Variants in MDFIC2 observed in about 807,000 individuals in gnomAD.
The protein encoded by MDFIC2 is MyoD family inhibitor domain containing 2, also known as myoD family inhibitor domain-containing protein 2.
intron 2 of MDFIC2, among the ~76,000 whole-genome samples, chr3:70,310,448 C>T (rs1473036736): frequency 6.6e-6 from 1 of 150,648 alleles, no homozygotes; most frequent in Non-Finnish European, 1.5e-5. Flanking sequence ...TCACTGCAAC[C>T]TCTGCCTCCC....
intron 2 of MDFIC2, among the ~76,000 whole-genome samples, chr3:70,225,531 G>C (rs1012026078): frequency 6.6e-6 from 1 of 152,070 alleles, no homozygotes; most frequent in Non-Finnish European, 1.5e-5. Context: ...AGAAAGCAAC[G>C]GTGTGTCAAG....
chr3:70,218,431 C>T (rs1417939099), intron 2 of MDFIC2, among the ~76,000 whole-genome samples: 1 of 152,020 alleles, frequency 6.6e-6, no homozygotes, highest in Non-Finnish European at 1.5e-5. Context: ...ATCTGGAGAC[C>T]ACTGGTCTGA....
intron 2 of MDFIC2, among the ~76,000 whole-genome samples, chr3:70,306,599 T>G (rs1702403248): frequency 6.6e-6 from 1 of 152,146 alleles, no homozygotes; most frequent in South Asian, 2.1e-4. Flanking sequence ...TTATCATTTT[T>G]TTTCTCTCTC....
chr3:70,196,754 G>C lies in MDFIC2; in HGVS notation c.*172C>G, dbSNP rs1701185706. On this transcript the variant is annotated 3_prime_UTR_variant, in exon 4 of 4. Transcript: ENST00000567252. ...CATGCGGTTGTGAAATTTGGAATAA[G>C]ACCATTGAGTTGATAATACTAGCTT... is the stretch of plus-strand genomic sequence containing the variant. 7.6e-6 allele frequency: 3 copies of C among 393,706 alleles called. No individual in the cohort carries two copies. The highest frequency in any genetic ancestry group is 1.3e-5 in the Non-Finnish European group (3 of 223,550). The allele number at this position is 393,706 out of a possible 1,614,324, so 24.4% of individuals were successfully genotyped here.
chr3:70,218,917 C>T (rs1701438067), intron 2 of MDFIC2, among the ~76,000 whole-genome samples: 1 of 151,942 alleles, frequency 6.6e-6, no homozygotes, highest in African/African-American at 2.4e-5. Flanking sequence ...TTAAAATAAG[C>T]TACCACAAAG....
intron 2 of MDFIC2, chr3:70,249,007 C>G (rs1251588703): frequency 1.3e-5 from 2 of 152,098 alleles, no homozygotes; most frequent in African/African-American, 4.8e-5. Context: ...GAATTGGAAG[C>G]TCAGAGATAT....
intron 2 of MDFIC2, among the ~76,000 whole-genome samples, chr3:70,230,405 G>C (rs1382498861): frequency 6.6e-6 from 1 of 152,068 alleles, no homozygotes; most frequent in African/African-American, 2.4e-5. Flanking sequence ...TTGAGGGCTG[G>C]TGTCAAACGC....
At chr3:70,210,510 T>C (rs1217806501) in intron 2 of MDFIC2, among the ~76,000 whole-genome samples, 1 of 152,144 alleles carries the variant, frequency 6.6e-6, no homozygotes, top group Non-Finnish European at 1.5e-5. Flanking sequence ...ATGCTAACAA[T>C]AATTTCATCA....
At chr3:70,282,293 C>A (rs1324163978) in intron 2 of MDFIC2, among the ~76,000 whole-genome samples, 1 of 152,146 alleles carries the variant, frequency 6.6e-6, no homozygotes, top group Non-Finnish European at 1.5e-5. Context: ...AACAGACACA[C>A]CACTTAAGAA....
intron 3 of MDFIC2, chr3:70,204,849 A>G (rs1054174858): frequency 1.3e-5 from 2 of 152,116 alleles, no homozygotes; most frequent in East Asian, 1.9e-4. Context: ...GTGGATATGT[A>G]CAATGGCAAT....
At position 70,293,465 on chromosome 3, in the gene MDFIC2, T is replaced by A. The variant is rs376946246; in HGVS notation, c.88+18421A>T. 5.3e-5 allele frequency among the ~76,000 whole-genome samples: 8 copies of A among 152,238 alleles called. No individual in the cohort carries two copies. The East Asian group carries it at 1.5e-3, about 29-fold the overall frequency. On this transcript the variant is annotated intron_variant, in intron 2 of 3. Transcript: ENST00000567252. Reference sequence around the variant, plus strand: ...ATATGAAAATATCTTTGATTTCTATTAGTGACAAAATCACAGGCGATGCTG... The same window carrying A: ...ATATGAAAATATCTTTGATTTCTATAAGTGACAAAATCACAGGCGATGCTG...
chr3:70,304,842 C>G (rs528514896), intron 2 of MDFIC2, among the ~76,000 whole-genome samples: 1 of 152,302 alleles, frequency 6.6e-6, no homozygotes, highest in African/African-American at 2.4e-5. Flanking sequence ...AACTGACCAA[C>G]AAGGTTCTGC....
intron 2 of MDFIC2, among the ~76,000 whole-genome samples, chr3:70,239,768 G>A (rs998574903): frequency 1.4e-4 from 22 of 152,044 alleles, no homozygotes; most frequent in African/African-American, 5.3e-4. Context: ...ATCGCCCTAT[G>A]TTATGATTAT....
chr3:70,199,547 T>G (rs1214434202), intron 3 of MDFIC2, among the ~76,000 whole-genome samples: 1 of 152,118 alleles, frequency 6.6e-6, no homozygotes, highest in Non-Finnish European at 1.5e-5. Context: ...CATGGTAACA[T>G]TAATGAATTG....
In MDFIC2 at chr3:70,196,628, A is replaced by G. The variant is rs1179100660; in HGVS notation, c.*298T>C. Among the ~76,000 whole-genome samples the G allele has an allele frequency of 6.6e-6, 1 of 152,192 alleles. No homozygotes were observed. Among genetic ancestry groups the G allele is most frequent in the African/African-American group, 2.4e-5 (1 of 41,452 alleles). On this transcript the variant is annotated 3_prime_UTR_variant, in exon 4 of 4. Transcript: ENST00000567252. ...GAGTGCAATAACGCAGTGGCTTAAC[A>G]TGCTATTTTATAGTCAAGAAACATC...
intron 2 of MDFIC2, among the ~76,000 whole-genome samples, chr3:70,243,508 C>T (rs541455979): frequency 1.3e-5 from 2 of 152,218 alleles, no homozygotes; most frequent in East Asian, 1.9e-4. Context: ...CGTTTTTTGG[C>T]TTTAAGTGTA....
chr3:70,221,270 C>G (rs548452569), intron 2 of MDFIC2, among the ~76,000 whole-genome samples: 15 of 152,140 alleles, frequency 9.9e-5, no homozygotes, highest in Non-Finnish European at 1.9e-4. Flanking sequence ...TCACTTCACA[C>G]TATGAGAAGC....
chr3:70,228,553 T>A (rs936589803), intron 2 of MDFIC2, among the ~76,000 whole-genome samples: 2 of 151,980 alleles, frequency 1.3e-5, no homozygotes, highest in Non-Finnish European at 2.9e-5. Context: ...TGTTTTCTAA[T>A]GTCTAGATTA....
chr3:70,268,538 C>T (rs1701945725), intron 2 of MDFIC2, among the ~76,000 whole-genome samples: 1 of 150,234 alleles, frequency 6.7e-6, no homozygotes, highest in Non-Finnish European at 1.5e-5. Context: ...GATAAACCTA[C>T]ACTGACACAT....
Sources: allele counts gnomAD v4.1 joint callset (sites outside exome capture counted in the v4.1 genomes callset), GRCh38; gene constraint gnomAD v4.1.1; transcripts MANE v1.5; gene names NCBI Gene and HGNC (gene_info 2026-07-23, HGNC 2026-07-21).